SEC14L1: variants seen among roughly 807,000 people sequenced by gnomAD.
The protein encoded by SEC14L1 is SEC14-like protein 1.
In SEC14L1, 48 loss-of-function variants were observed where a neutral mutation model predicts 85.3. That is an observed-to-expected ratio of 0.56 (90% confidence interval 0.45 to 0.72). The LOEUF (loss-of-function observed/expected upper bound fraction) is 0.72. Among genes scored for constraint, SEC14L1 ranks in the 30% least tolerant of loss-of-function variants. SEC14L1 has a pLI of 0.00. For missense variants in SEC14L1, 682 were observed against 921.4 expected (o/e 0.74, Z 3.36); for synonymous variants, 391 against 355.5 (o/e 1.10, Z -1.12).
chr17:77,172,881 C>T (rs1253504799), intron 3 of SEC14L1, among the ~76,000 whole-genome samples: 4 of 152,166 alleles, frequency 2.6e-5, no homozygotes, highest in Non-Finnish European at 4.4e-5. Flanking sequence ...CTCCAGTAGG[C>T]TGCGTTGTTA....
chr17:77,213,660 G>A lies in SEC14L1; in HGVS notation c.2042+168G>A. ...TCATTTGTTGGCACGGTGACTCCCTGCCTGTCTGCAGAGGGAGAGTGTCGG... is the reference window on the plus strand; with the variant it reads ...TCATTTGTTGGCACGGTGACTCCCTACCTGTCTGCAGAGGGAGAGTGTCGG... On this transcript the variant is annotated intron_variant, in intron 16 of 16. Transcript: ENST00000436233. This position sits in a 1 kb window ranked among gnomAD's most constrained non-coding sequence, Gnocchi z 7.1. 1 of 896,480 alleles carries A rather than the reference G, an allele frequency of 1.1e-6. No homozygotes were observed. Among genetic ancestry groups the A allele is most frequent in the South Asian group, 1.4e-5 (1 of 70,898 alleles). The allele number at this position is 896,480 out of a possible 1,614,324, so 55.5% of individuals were successfully genotyped here.
chr17:77,203,057 A>G (rs1976253911), intron 9 of SEC14L1, among the ~76,000 whole-genome samples: 1 of 152,202 alleles, frequency 6.6e-6, no homozygotes, highest in Admixed American at 6.5e-5. Flanking sequence ...CTGGCTTTTA[A>G]AAAGCTTTCA....
intron 3 of SEC14L1, among the ~76,000 whole-genome samples, chr17:77,144,148 T>A (rs768245214): frequency 8.5e-5 from 13 of 152,354 alleles, no homozygotes; most frequent in Non-Finnish European, 1.0e-4. Flanking sequence ...AGAATTTGGC[T>A]GAAAATAAGC....
intron 3 of SEC14L1, among the ~76,000 whole-genome samples, chr17:77,123,007 G>A (rs775065122): frequency 4.7e-4 from 71 of 151,648 alleles, no homozygotes; most frequent in Non-Finnish European, 9.0e-4. Flanking sequence ...AGAAACAGGG[G>A]CTTTCTTTTC....
chr17:77,180,561 G>A (rs915481031), intron 3 of SEC14L1, among the ~76,000 whole-genome samples: 4 of 152,180 alleles, frequency 2.6e-5, no homozygotes, highest in African/African-American at 9.7e-5. Context: ...TTTGATCTAA[G>A]CGCAGATTAC....
At chr17:77,133,737 G>A (rs973575544) in intron 3 of SEC14L1, among the ~76,000 whole-genome samples, 30 of 151,838 alleles carry the variant, frequency 2.0e-4, no homozygotes, top group Non-Finnish European at 4.0e-4. Flanking sequence ...TCAGGAGTTC[G>A]AGACCAGCCT....
chr17:77,172,214 AATTT>A (rs1196456975), intron 3 of SEC14L1, among the ~76,000 whole-genome samples: 1 of 152,056 alleles, frequency 6.6e-6, no homozygotes, highest in Non-Finnish European at 1.5e-5. Context: ...CCCACCTCTA[AATTT>A]ATCAAGGGCT....
Position 77,215,065 on chromosome 17 carries a change from G to GTGTGTGTGTGCATGTGC in SEC14L1, c.*1059_*1075dup, listed in dbSNP as rs1214207186. The GTGTGTGTGTGCATGTGC allele has an allele frequency of 1.6e-6, 1 of 624,784 alleles. No homozygotes were observed. The highest frequency in any genetic ancestry group is 2.0e-6 in the Non-Finnish European group (1 of 508,772). The allele number at this position is 624,784 out of a possible 1,614,324, so 38.7% of individuals were successfully genotyped here. Reference sequence around the variant, plus strand: ...ACATGGGAATTGTGGACTCATGCGTGTGTGTGTGTGCATGTGCTGTGTGTG... The same window carrying GTGTGTGTGTGCATGTGC: ...ACATGGGAATTGTGGACTCATGCGTGTGTGTGTGTGCATGTGCTGTGTGTGTGCATGTGCTGTGTGTG... On this transcript the variant is annotated 3_prime_UTR_variant, in exon 17 of 17. Coordinates refer to ENST00000436233, the MANE Select transcript of SEC14L1 (RefSeq NM_001143998.2).
rs752917725 is a variant in SEC14L1, at chr17:77,213,509, C to A, written c.2042+17C>A. 1.2e-6 allele frequency: 2 copies of A among 1,603,790 alleles called. No homozygotes were observed. The highest frequency in any genetic ancestry group is 2.2e-5 in the South Asian group (2 of 91,040). ...GGATTTCAGGTGCGGCCACCCTCGC[C>A]ACAGCAGGTGCTGCGGACAGCTGGG... On this transcript the variant is annotated intron_variant, in intron 16 of 16. Transcript: ENST00000436233. This position sits in a 1 kb window ranked among gnomAD's most constrained non-coding sequence, Gnocchi z 7.1.
At chr17:77,147,666 G>A (rs1973375279) in intron 3 of SEC14L1, among the ~76,000 whole-genome samples, 1 of 152,090 alleles carries the variant, frequency 6.6e-6, no homozygotes, top group African/African-American at 2.4e-5. Flanking sequence ...TTCTACCCAG[G>A]GATGTGTACC....
intron 2 of SEC14L1, among the ~76,000 whole-genome samples, chr17:77,143,306 C>T (rs1327302199): frequency 6.6e-6 from 1 of 152,146 alleles, no homozygotes; most frequent in Non-Finnish European, 1.5e-5. Flanking sequence ...TCCCAGTAAG[C>T]CAATGAGAGG....
At chr17:77,093,535 C>A in intron 3 of SEC14L1, 1 of 152,362 alleles carries the variant, frequency 6.6e-6, no homozygotes. Context: ...GAGGGGAGGC[C>A]TGGTCCCATG....
intron 3 of SEC14L1, among the ~76,000 whole-genome samples, chr17:77,182,028 T>C (rs935036084): frequency 6.6e-6 from 1 of 152,174 alleles, no homozygotes; most frequent in African/African-American, 2.4e-5. Flanking sequence ...TCTTACTTAC[T>C]GGTTCTTTCC....
intron 3 of SEC14L1, among the ~76,000 whole-genome samples, chr17:77,181,591 A>G (rs1975040372): frequency 6.6e-6 from 1 of 152,104 alleles, no homozygotes; most frequent in Non-Finnish European, 1.5e-5. Flanking sequence ...TTGTATTTTT[A>G]GTAGAGATGG....
chr17:77,216,292 C>A lies in SEC14L1; in HGVS notation c.*2269C>A, dbSNP rs531237160. 1.3e-3 allele frequency: 1,436 copies of A among 1,075,716 alleles called. 5 individuals are homozygous for A. The highest frequency in any genetic ancestry group is 0.011 in the Admixed American group (134 of 12,258). The allele number at this position is 1,075,716 out of a possible 1,614,324, so 66.6% of individuals were successfully genotyped here. On this transcript the variant is annotated 3_prime_UTR_variant, in exon 17 of 17. Coordinates refer to ENST00000436233, the MANE Select transcript of SEC14L1 (RefSeq NM_001143998.2). Reference sequence around the variant, plus strand: ...GTAGGTAGGGTTAGTAGGTAGGGTTCGTAGGTAGGGCTAGTAGGTAGGGCT... The same window carrying A: ...GTAGGTAGGGTTAGTAGGTAGGGTTAGTAGGTAGGGCTAGTAGGTAGGGCT...
At chr17:77,088,696 C>G (rs1274153188), upstream of SEC14L1, 5 of 152,222 alleles carry the variant, frequency 3.3e-5, no homozygotes, top group Admixed American at 2.0e-4. Context: ...AGTGGAGACA[C>G]GTGCTTTGGC....
chr17:77,153,947 A>G (rs116721750), intron 3 of SEC14L1, among the ~76,000 whole-genome samples: 1 of 152,328 alleles, frequency 6.6e-6, no homozygotes, highest in African/African-American at 2.4e-5. Context: ...AGAAGCATAT[A>G]TTGCGTTGTA....
intron 3 of SEC14L1, chr17:77,185,118 A>G: frequency 1.6e-6 from 1 of 622,470 alleles, no homozygotes; most frequent in Non-Finnish European, 2.0e-6. Flanking sequence ...ATTGTATTGT[A>G]TGCTTCAAAA....
At chr17:77,152,474 T>G (rs1463154537) in intron 3 of SEC14L1, 3 of 150,814 alleles carry the variant, frequency 2.0e-5, no homozygotes, top group African/African-American at 7.4e-5. Context: ...AGGCAGAGGT[T>G]GTAGAGAGCC....
Sources: allele counts gnomAD v4.1 joint callset (sites outside exome capture counted in the v4.1 genomes callset), GRCh38; gene constraint gnomAD v4.1.1; non-coding constraint Gnocchi (gnomAD v3.1); transcripts MANE v1.5; gene names NCBI Gene and HGNC (gene_info 2026-07-23, HGNC 2026-07-21).